The following DOCK8 variants were observed in gnomAD, a reference collection of about 807,000 sequenced individuals.
DOCK8 encodes the protein dedicator of cytokinesis 8.
DOCK8 carries 141 observed loss-of-function variants against 245.6 expected under a neutral mutation model. The ratio of observed to expected loss-of-function variants is 0.57; its 90% CI spans 0.50 to 0.66. DOCK8 has a LOEUF of 0.66. Among genes scored for constraint, DOCK8 ranks in the 30% least tolerant of loss-of-function variants. The pLI, the probability that DOCK8 is intolerant of heterozygous loss-of-function variation, is 0.00. For synonymous variants in DOCK8, 1,168 were observed against 970.2 expected (o/e 1.20, Z -3.79); for missense variants, 2,965 against 2,603.4 (o/e 1.14, Z -3.02).
At chr9:354,555 C>T (rs1437120085) in intron 14 of DOCK8, among the ~76,000 whole-genome samples, 3 of 152,220 alleles carry the variant, frequency 2.0e-5, no homozygotes, top group Non-Finnish European at 4.4e-5. Flanking sequence ...TACGCAGGTG[C>T]AGCTGACCTG....
At position 339,228 on chromosome 9, in the gene DOCK8, G is replaced by T. The variant is rs551003400; in HGVS notation, c.1516+129G>T. The T allele has an allele frequency of 7.5e-5, 62 of 824,560 alleles. 1 individual carries two copies. In the Admixed American group the frequency reaches 9.2e-4, roughly 12 times the overall value. 51.1% of individuals were successfully genotyped at this position (824,560 alleles called of 1,614,324 possible). ...TGAAATGTGAGATTTTGTGTTAGGG[G>T]TTAAGAATCTGAATTGTTCTATGTC... On this transcript the variant is annotated intron_variant, in intron 13 of 47. Coordinates refer to ENST00000432829, the MANE Select transcript of DOCK8 (RefSeq NM_203447.4).
At chr9:386,480 C>T (rs1444319674) in intron 23 of DOCK8, 54 bp downstream of exon 23, 11 of 1,488,648 alleles carry the variant, frequency 7.4e-6, no homozygotes, top group Non-Finnish European at 9.3e-6. Flanking sequence ...GAAGGATTTC[C>T]TCATGCCCTC....
chr9:214,634 T>G, upstream of DOCK8: 1 of 1,612,582 alleles, frequency 6.2e-7, no homozygotes, highest in South Asian at 1.1e-5. Context: ...AGTGGTCGCC[T>G]GTCGTCCGCC....
At chr9:360,184 C>T (rs1422249033) in intron 14 of DOCK8, among the ~76,000 whole-genome samples, 5 of 152,124 alleles carry the variant, frequency 3.3e-5, no homozygotes, top group Non-Finnish European at 7.4e-5. Context: ...GGCCTGGTAG[C>T]ATGCTCCTGT....
At chr9:374,020 G>A (rs888240427) in intron 18 of DOCK8, among the ~76,000 whole-genome samples, 1 of 152,190 alleles carries the variant, frequency 6.6e-6, no homozygotes, top group Non-Finnish European at 1.5e-5. Context: ...GTGAATGTTG[G>A]TGAGTTGCTT....
intron 8 of DOCK8, 82 bp downstream of exon 8, chr9:325,819 C>G (rs1294853501): frequency 6.0e-6 from 7 of 1,172,138 alleles, no homozygotes; most frequent in Non-Finnish European, 8.9e-6. Context: ...AATTTCTTTG[C>G]AGCAAGAACC....
At chr9:338,779 C>G (rs886137799) in intron 12 of DOCK8, among the ~76,000 whole-genome samples, 6 of 152,098 alleles carry the variant, frequency 3.9e-5, no homozygotes, top group African/African-American at 1.4e-4. Context: ...AGCAGATGCC[C>G]CATCCCCAGA....
At chr9:396,731 G>A in intron 24 of DOCK8, 54 bp from the exon 25 acceptor site, 1 of 1,609,946 alleles carries the variant, frequency 6.2e-7, no homozygotes, top group Non-Finnish European at 8.5e-7. Context: ...TTTCTGCATT[G>A]TACAAGCAGG....
At chr9:382,393 A>G in intron 21 of DOCK8, 120 bp from the exon 22 acceptor site, 1 of 1,403,652 alleles carries the variant, frequency 7.1e-7, no homozygotes, top group African/African-American at 1.4e-5. Flanking sequence ...AGAAGTCTCT[A>G]ATTCCAAGGC....
intron 4 of DOCK8, among the ~76,000 whole-genome samples, chr9:290,767 C>T (rs556504431): frequency 6.6e-6 from 1 of 152,298 alleles, no homozygotes; most frequent in Admixed American, 6.5e-5. Context: ...GTTTAAAATT[C>T]TGATAGCCTC....
At chr9:411,286 A>G (rs7027913) in intron 28 of DOCK8, among the ~76,000 whole-genome samples, 55,046 of 151,756 alleles carry the variant, frequency 0.36, 10,241 homozygotes, top group East Asian at 0.53. Flanking sequence ...GGTGGCGGGA[A>G]CCTGTAATCC....
At chr9:261,657 G>T (rs1255634488) in intron 1 of DOCK8, among the ~76,000 whole-genome samples, 1 of 151,976 alleles carries the variant, frequency 6.6e-6, no homozygotes, top group African/African-American at 2.4e-5. Context: ...TGTATCTCTG[G>T]GTTTTTTTAA....
chr9:289,840 G>A (rs1170960919), intron 4 of DOCK8, among the ~76,000 whole-genome samples: 2 of 152,102 alleles, frequency 1.3e-5, no homozygotes, highest in Non-Finnish European at 2.9e-5. Flanking sequence ...AAAGACCATA[G>A]TTTACATTAA....
rs748297456 is a variant in DOCK8, at chr9:421,094, C to G, written c.4153+16C>G. The stretch of plus-strand genomic sequence containing the variant: ...CGGGCTCCAGGTGTGTTGGACTGGC[C>G]CTTCCCTGCTCTCTGTCAAGCAGTT... On this transcript the variant is annotated intron_variant, in intron 32 of 47. Transcript: ENST00000432829. 8 of 1,613,692 alleles carry G rather than the reference C, an allele frequency of 5.0e-6. No individual in the cohort carries two copies. The highest frequency in any genetic ancestry group is 6.8e-6 in the Non-Finnish European group (8 of 1,180,006).
At chr9:296,972 G>C (rs2049284604) in intron 4 of DOCK8, among the ~76,000 whole-genome samples, 1 of 152,118 alleles carries the variant, frequency 6.6e-6, no homozygotes, top group South Asian at 2.1e-4. Context: ...ATCTTAAATG[G>C]ATGCATCCTC....
At chr9:290,640 C>T (rs968795896) in intron 4 of DOCK8, among the ~76,000 whole-genome samples, 5 of 152,200 alleles carry the variant, frequency 3.3e-5, no homozygotes, top group African/African-American at 9.7e-5. Context: ...CATCTATGCA[C>T]ATTGAAATTC....
At chr9:228,991 C>T (rs2047047319) in intron 1 of DOCK8, among the ~76,000 whole-genome samples, 1 of 152,134 alleles carries the variant, frequency 6.6e-6, no homozygotes, top group African/African-American at 2.4e-5. Context: ...GCATTCTTAG[C>T]TGGTAAAGGG....
At chr9:431,412 G>A (rs1432848003) in intron 36 of DOCK8, among the ~76,000 whole-genome samples, 1 of 152,096 alleles carries the variant, frequency 6.6e-6, no homozygotes, top group African/African-American at 2.4e-5. Flanking sequence ...GGACCTTGAG[G>A]TAGCCATGTT....
intron 2 of DOCK8, among the ~76,000 whole-genome samples, chr9:284,202 A>G (rs547475572): frequency 6.6e-6 from 1 of 152,048 alleles, no homozygotes; most frequent in East Asian, 1.9e-4. Flanking sequence ...GGTCCTATGG[A>G]GGTGTCTGTG....
Sources: allele counts gnomAD v4.1 joint callset (sites outside exome capture counted in the v4.1 genomes callset), GRCh38; gene constraint gnomAD v4.1.1; transcripts MANE v1.5; gene names NCBI Gene and HGNC (gene_info 2026-07-23, HGNC 2026-07-21).